Variants in ITGA9 observed in about 807,000 individuals in gnomAD.
ITGA9 encodes the protein integrin subunit alpha 9, also known as integrin alpha-9.
ITGA9 carries 56 observed loss-of-function variants against 127.8 expected under a neutral mutation model. The observed-to-expected ratio is 0.44, with a 90% CI of 0.35 to 0.55. The LOEUF (loss-of-function observed/expected upper bound fraction) is 0.55. Ranked by LOEUF, ITGA9 falls within the 20% of genes least tolerant of loss-of-function variation. The pLI, the probability that ITGA9 is intolerant of heterozygous loss-of-function variation, is 0.00. For missense variants in ITGA9, 1,196 were observed against 1,347.1 expected, an observed-to-expected ratio of 0.89 and a Z score of 1.76; for synonymous variants, 508 against 514.5, an observed-to-expected ratio of 0.99 and a Z score of 0.17.
intron 8 of ITGA9, among the ~76,000 whole-genome samples, chr3:37,512,322 C>T (rs886791575): frequency 4.0e-5 from 6 of 151,012 alleles, no homozygotes; most frequent in Admixed American, 1.3e-4. Flanking sequence ...CAGGTTCAAG[C>T]GATTCTCCTG....
Position 37,675,652 on chromosome 3 carries a change from G to A in ITGA9, c.1917-8213G>A, listed in dbSNP as rs537581958. 2.1e-4 allele frequency among the ~76,000 whole-genome samples: 32 copies of A among 151,412 alleles called. No homozygotes were observed. In the East Asian group the frequency reaches 4.3e-3, roughly 20 times the overall value. ...AGAAAGAAAAGCACACATATGTTAC[G>A]CTTTTTTTTTCAGCATTTCACAATA... is the stretch of plus-strand genomic sequence containing the variant. On this transcript the variant is annotated intron_variant, in intron 17 of 27. Transcript: ENST00000264741.
chr3:37,648,317 G>C (rs1362371627), intron 16 of ITGA9, among the ~76,000 whole-genome samples: 1 of 152,182 alleles, frequency 6.6e-6, no homozygotes, highest in African/African-American at 2.4e-5. Context: ...GGTCAGAAGA[G>C]AGTGGGGTGA....
chr3:37,482,415 C>T (rs111455536), intron 4 of ITGA9, among the ~76,000 whole-genome samples: 77 of 152,310 alleles, frequency 5.1e-4, no homozygotes, highest in Middle Eastern at 6.8e-3. Flanking sequence ...GAGCTTTAAG[C>T]GTTCAGAAAA....
intron 18 of ITGA9, among the ~76,000 whole-genome samples, 186 bp downstream of exon 18, chr3:37,684,201 C>T (rs1489635171): frequency 6.6e-6 from 1 of 152,142 alleles, no homozygotes; most frequent in African/African-American, 2.4e-5. Flanking sequence ...AAGAAGCAGC[C>T]GTAAATGCCC....
intron 17 of ITGA9, among the ~76,000 whole-genome samples, chr3:37,668,767 G>A (rs1053508243): frequency 6.6e-6 from 1 of 152,168 alleles, no homozygotes; most frequent in African/African-American, 2.4e-5. Flanking sequence ...TGAGCCACCT[G>A]ATATAACCTC....
chr3:37,679,334 T>G (rs1700712839), intron 17 of ITGA9, among the ~76,000 whole-genome samples: 1 of 152,210 alleles, frequency 6.6e-6, no homozygotes, highest in Non-Finnish European at 1.5e-5. Context: ...GTTTTACTAT[T>G]TCAGCAGGAC....
At chr3:37,630,669 A>T (rs753861610) in intron 16 of ITGA9, among the ~76,000 whole-genome samples, 6 of 152,284 alleles carry the variant, frequency 3.9e-5, no homozygotes, top group Non-Finnish European at 5.9e-5. Flanking sequence ...CAGCCAGGAG[A>T]TGGGCCACAG....
Position 37,750,567 on chromosome 3 carries a change from G to GAGAACTCACCACCATTTCC in ITGA9, c.2539_2540insAGAACTCACCACCATTTCC (p.Val847GlufsTer52). On this transcript the variant is annotated frameshift_variant and splice_region_variant, in exon 23 of 28. Transcript: ENST00000264741. LOFTEE classifies it high-confidence loss of function. ...AGAGATGTTTCATGTCCAGGAAATG[G>GAGAACTCACCACCATTTCC]TGGTGAGTTCTCCATTTGTTTTCAC... 6.3e-7 allele frequency: 1 copy of GAGAACTCACCACCATTTCC among 1,597,686 alleles called. No individual in the cohort carries two copies. Among genetic ancestry groups the GAGAACTCACCACCATTTCC allele is most frequent in the Non-Finnish European group, 8.6e-7 (1 of 1,165,094 alleles).
intron 25 of ITGA9, among the ~76,000 whole-genome samples, chr3:37,784,627 C>G (rs1365875374): frequency 6.6e-6 from 1 of 152,178 alleles, no homozygotes; most frequent in Non-Finnish European, 1.5e-5. Flanking sequence ...TAGATTTGCT[C>G]TACACAATTA....
At chr3:37,503,484 A>G (rs1698809281) in intron 6 of ITGA9, among the ~76,000 whole-genome samples, 177 bp downstream of exon 6, 2 of 152,252 alleles carry the variant, frequency 1.3e-5, no homozygotes, top group Admixed American at 6.5e-5. Context: ...AACACAAGGT[A>G]GAGAGGAAAA....
Position 37,611,786 on chromosome 3 carries a change from CATG to C in ITGA9, c.1690-17399_1690-17397del, listed in dbSNP as rs551465911. Among the ~76,000 whole-genome samples the C allele has an allele frequency of 1.6e-3, 251 of 152,220 alleles. 2 individuals are homozygous for C. Among genetic ancestry groups the C allele is most frequent in the East Asian group, 2.1e-3 (11 of 5,152 alleles). ...GCTTTCTGGATACCCTCTCAGGGCT[CATG>C]AAGTGGCAGGCCTGCCCTGGGAAGG... is the stretch of plus-strand genomic sequence containing the variant. On this transcript the variant is annotated intron_variant, in intron 15 of 27. Coordinates refer to ENST00000264741, the MANE Select transcript of ITGA9 (RefSeq NM_002207.3).
chr3:37,592,648 C>T (rs746879925), intron 15 of ITGA9, among the ~76,000 whole-genome samples: 7 of 152,032 alleles, frequency 4.6e-5, no homozygotes, highest in South Asian at 2.1e-4. Flanking sequence ...TGGGAAACGG[C>T]GAGGTCAAGT....
intron 15 of ITGA9, among the ~76,000 whole-genome samples, chr3:37,604,846 C>A (rs1159207909): frequency 4.6e-5 from 7 of 152,118 alleles, no homozygotes; most frequent in African/African-American, 9.7e-5. Context: ...TTCCTCTCCC[C>A]TTCCATGAAA....
chr3:37,542,916 A>C (rs1699288958), intron 15 of ITGA9, among the ~76,000 whole-genome samples: 1 of 151,304 alleles, frequency 6.6e-6, no homozygotes, highest in Non-Finnish European at 1.5e-5. Flanking sequence ...CCTTGGAAGC[A>C]TGTGCCTCTG....
At chr3:37,592,436 A>G (rs1451497717) in intron 15 of ITGA9, among the ~76,000 whole-genome samples, 1 of 152,194 alleles carries the variant, frequency 6.6e-6, no homozygotes, top group Non-Finnish European at 1.5e-5. Context: ...AGAAAGAAGC[A>G]GTGGAGAAGG....
chr3:37,623,995 G>A (rs1700151923), intron 15 of ITGA9, among the ~76,000 whole-genome samples: 1 of 151,976 alleles, frequency 6.6e-6, no homozygotes, highest in Non-Finnish European at 1.5e-5. Context: ...GATGGAGGAT[G>A]GAGGGGATAA....
chr3:37,593,158 A>G (rs150170618), intron 15 of ITGA9, among the ~76,000 whole-genome samples: 138 of 152,338 alleles, frequency 9.1e-4, no homozygotes, highest in African/African-American at 3.2e-3. Context: ...ATAGATGCTC[A>G]AGTCCCTGAT....
intron 22 of ITGA9, among the ~76,000 whole-genome samples, chr3:37,747,634 G>A (rs919751099): frequency 6.9e-5 from 10 of 144,740 alleles, no homozygotes; most frequent in Admixed American, 2.2e-4. Flanking sequence ...CAATTGTTTT[G>A]GTTCAATTTT....
chr3:37,658,570 T>C (rs1700501880), intron 17 of ITGA9, among the ~76,000 whole-genome samples: 1 of 152,218 alleles, frequency 6.6e-6, no homozygotes, highest in Non-Finnish European at 1.5e-5. Context: ...ATTTTGAGCC[T>C]ATACGTGTCT....
Sources: allele counts gnomAD v4.1 joint callset (sites outside exome capture counted in the v4.1 genomes callset), GRCh38; gene constraint gnomAD v4.1.1; transcripts MANE v1.5; gene names NCBI Gene and HGNC (gene_info 2026-07-23, HGNC 2026-07-21).